MYO6: variants seen among roughly 807,000 people sequenced by gnomAD.
MYO6 encodes the protein myosin VI, also known as unconventional myosin-VI.
In MYO6, 74 loss-of-function variants were observed where a neutral mutation model predicts 178.7. The ratio of observed to expected loss-of-function variants is 0.41; its 90% CI spans 0.34 to 0.50. MYO6 has a LOEUF of 0.50. Ranked by LOEUF, MYO6 falls within the 20% of genes least tolerant of loss-of-function variation. The pLI, the probability that MYO6 is intolerant of heterozygous loss-of-function variation, is 0.09. For synonymous variants in MYO6, 477 were observed against 504.6 expected (o/e 0.95, Z 0.73); for missense variants, 1,330 against 1,547.4 (o/e 0.86, Z 2.36).
At chr6:75,855,428 G>A in intron 12 of MYO6, 145 bp downstream of exon 12, 4 of 812,902 alleles carry the variant, frequency 4.9e-6, no homozygotes, top group Non-Finnish European at 8.0e-6. Context: ...ATAAATAAAT[G>A]GAGTTTAACA....
At position 75,881,766 on chromosome 6, in the gene MYO6, C is replaced by G. The variant is rs1281867241; in HGVS notation, c.2364C>G (p.Leu788=). 6 of 1,613,882 alleles carry G rather than the reference C, an allele frequency of 3.7e-6. No individual in the cohort carries two copies. The South Asian group carries it at 6.6e-5, about 18-fold the overall frequency. ...TGGTTAAAAGAGTCAATCACTGGCT[C>G]ACATGCAGTCGCTGGAAGAAAGTTC... is the stretch of plus-strand genomic sequence containing the variant. The part of the protein sequence containing the change: ...AELVKRVNHW[L]TCSRWKKVQW... The change falls in exon 23 of 35, where the codon CTC becomes CTG. Residue 788 remains leucine, a synonymous_variant. Coordinates refer to ENST00000369977, the MANE Select transcript of MYO6 (RefSeq NM_004999.4).
rs565470325 is a variant in MYO6, at chr6:75,883,744, G to C, written c.2416+1926G>C. On this transcript the variant is annotated intron_variant, in intron 23 of 34. Transcript: ENST00000369977. ...GGCAAACCTTTAATTGTTGGGAGCT[G>C]TGTAGGAATCAGTAACTTGATTACA... Among the ~76,000 whole-genome samples, 8 of 152,250 alleles carry C rather than the reference G, an allele frequency of 5.3e-5. No homozygotes were observed. The South Asian group carries it at 1.7e-3, about 32-fold the overall frequency.
chr6:75,914,699 A>G (rs1458223489), intron 34 of MYO6, 114 bp from the exon 35 acceptor site: 2 of 999,466 alleles, frequency 2.0e-6, no homozygotes, highest in Non-Finnish European at 3.0e-6. Context: ...CTTAGAGAAA[A>G]AGTCTTAGGA....
intron 22 of MYO6, among the ~76,000 whole-genome samples, chr6:75,880,623 T>C (rs1370426713): frequency 6.6e-6 from 1 of 152,362 alleles, no homozygotes; most frequent in African/African-American, 2.4e-5. Flanking sequence ...TTAATAATTA[T>C]TTGAGAACTA....
chr6:75,829,756 A>G (rs1413827158), intron 4 of MYO6, among the ~76,000 whole-genome samples: 6 of 152,208 alleles, frequency 3.9e-5, no homozygotes, highest in Non-Finnish European at 8.8e-5. Context: ...AGTATCTAAT[A>G]TGTGCTAAAT....
intron 11 of MYO6, among the ~76,000 whole-genome samples, chr6:75,854,106 G>C (rs527542793): frequency 6.6e-6 from 1 of 152,032 alleles, no homozygotes; most frequent in Non-Finnish European, 1.5e-5. Context: ...CTGTAGATAT[G>C]ATGTACTAAG....
At chr6:75,900,763 T>C (rs1237926307) in intron 30 of MYO6, among the ~76,000 whole-genome samples, 1 of 151,864 alleles carries the variant, frequency 6.6e-6, no homozygotes, top group South Asian at 2.1e-4. Flanking sequence ...CAATTTTGGC[T>C]TTTGTTGCCA....
chr6:75,775,873 A>G (rs1409908579), intron 1 of MYO6, among the ~76,000 whole-genome samples: 4 of 152,164 alleles, frequency 2.6e-5, no homozygotes, highest in Admixed American at 2.6e-4. Flanking sequence ...AATTAGTGAT[A>G]TTTACAAGGT....
In MYO6 at chr6:75,915,522, G is replaced by A. The variant is rs1278072375; in HGVS notation, c.*510G>A. 3 of 165,636 alleles carry A rather than the reference G, an allele frequency of 1.8e-5. No homozygotes were observed. The highest frequency in any genetic ancestry group is 1.7e-4 in the Admixed American group (3 of 17,814). 10.3% of individuals were successfully genotyped at this position (165,636 alleles called of 1,614,324 possible). ...GACATTTTTGGAAATTTCCATTAAA[G>A]GTGGAAAATCTATTTTTTTCCTCCT... On this transcript the variant is annotated 3_prime_UTR_variant, in exon 35 of 35. Coordinates refer to ENST00000369977, the MANE Select transcript of MYO6 (RefSeq NM_004999.4).
chr6:75,854,969 G>A (rs928091219), intron 11 of MYO6, among the ~76,000 whole-genome samples, 170 bp from the exon 12 acceptor site: 2 of 152,168 alleles, frequency 1.3e-5, no homozygotes, highest in African/African-American at 4.8e-5. Flanking sequence ...GATCTTAGCA[G>A]TACGGGTGTT....
intron 13 of MYO6, among the ~76,000 whole-genome samples, 168 bp from the exon 14 acceptor site, chr6:75,858,734 G>A: frequency 6.6e-6 from 1 of 152,064 alleles, no homozygotes; most frequent in South Asian, 2.1e-4. Flanking sequence ...TGCCTATAAA[G>A]TTTTGTCTTG....
Position 75,911,683 on chromosome 6 carries a change from T to G in MYO6, c.3424T>G (p.Phe1142Val). 2 of 1,611,796 alleles carry G rather than the reference T, an allele frequency of 1.2e-6. No individual in the cohort carries two copies. The highest frequency in any genetic ancestry group is 1.7e-6 in the Non-Finnish European group (2 of 1,178,172). ...ATATTTGTTCACAGATTTTGCACCATTTTTGAACAATTCACGTAAGTCAAT... is the reference window on the plus strand; with the variant it reads ...ATATTTGTTCACAGATTTTGCACCAGTTTTGAACAATTCACGTAAGTCAAT... ...KSVTDYDFAP[F>V]LNNSPQQNPA... Residue 1142 changes from phenylalanine to valine, a missense_variant, in exon 33 of 35, where the codon TTT becomes GTT. Around this residue, in one of 3 missense-constraint regions of MYO6, gnomAD observed 601 missense variants for 626.1 expected, o/e 0.96. Coordinates refer to ENST00000369977, the MANE Select transcript of MYO6 (RefSeq NM_004999.4).
chr6:75,837,368 T>C (rs1773746713), intron 7 of MYO6, among the ~76,000 whole-genome samples: 2 of 152,232 alleles, frequency 1.3e-5, no homozygotes, highest in Non-Finnish European at 1.5e-5. Context: ...CATGCCGTAG[T>C]AAATGCATAT....
intron 1 of MYO6, among the ~76,000 whole-genome samples, chr6:75,784,341 G>T (rs905956159): frequency 3.3e-5 from 5 of 151,968 alleles, no homozygotes; most frequent in African/African-American, 1.2e-4. Flanking sequence ...TTGGAATTGG[G>T]AGGGAAGTTT....
chr6:75,898,513 G>A, intron 30 of MYO6, 102 bp downstream of exon 30: 1 of 905,966 alleles, frequency 1.1e-6, no homozygotes, highest in Non-Finnish European at 1.8e-6. Flanking sequence ...GAGTAGCCTA[G>A]TCTTTCTATG....
intron 30 of MYO6, among the ~76,000 whole-genome samples, chr6:75,900,889 C>A (rs1219274063): frequency 1.3e-5 from 2 of 150,336 alleles, no homozygotes; most frequent in African/African-American, 2.4e-5. Context: ...AGTCTTTAAT[C>A]CATCTTGAAT....
Position 75,781,547 on chromosome 6 carries a change from A to T in MYO6, c.-48+32124A>T, listed in dbSNP as rs180732757. 4.4e-3 allele frequency among the ~76,000 whole-genome samples: 667 copies of T among 152,208 alleles called. 2 individuals carry two copies. The highest frequency in any genetic ancestry group is 8.9e-3 in the South Asian group (43 of 4,828). On this transcript the variant is annotated intron_variant, in intron 1 of 34. Transcript: ENST00000369977. ...GTTGACACGTTGATCTCTGCTGGGG[A>T]TAACTCAGCTTTCCAGGTTTTCAAG... is the stretch of plus-strand genomic sequence containing the variant.
At chr6:75,904,056 C>G (rs1041938710) in intron 30 of MYO6, among the ~76,000 whole-genome samples, 140 of 152,198 alleles carry the variant, frequency 9.2e-4, no homozygotes, top group African/African-American at 3.1e-3. Context: ...AATATTGGCC[C>G]CAACTCTCTT....
rs772936878 is a variant in MYO6 at position 75,892,726 on chromosome 6, CCTT to C, written c.3107+37_3107+39del. 10 of 1,608,526 alleles carry C rather than the reference CCTT, an allele frequency of 6.2e-6. No homozygotes were observed. The Admixed American group carries it at 1.5e-4, about 24-fold the overall frequency. On this transcript the variant is annotated intron_variant, in intron 28 of 34. Coordinates refer to ENST00000369977, the MANE Select transcript of MYO6 (RefSeq NM_004999.4). Reference sequence around the variant, plus strand: ...CCCTGGGTGGGGTATAGCGCTCTCTCCTTTGCTTTCTCTACCTCTCTGCCTCTC... The same window carrying C: ...CCCTGGGTGGGGTATAGCGCTCTCTCTGCTTTCTCTACCTCTCTGCCTCTC...
Sources: allele counts gnomAD v4.1 joint callset (sites outside exome capture counted in the v4.1 genomes callset), GRCh38; gene constraint gnomAD v4.1.1; regional missense constraint gnomAD v4.1.1; transcripts MANE v1.5; gene names NCBI Gene and HGNC (gene_info 2026-07-23, HGNC 2026-07-21).